DGKB: variants seen among roughly 807,000 people sequenced by gnomAD.
DGKB encodes diacylglycerol kinase beta.
A neutral mutation model predicts 114.3 loss-of-function variants in DGKB; 67 were observed. That is an observed-to-expected ratio of 0.59 (90% CI 0.48 to 0.72). The LOEUF is 0.72. Among genes scored for constraint, DGKB ranks in the 30% least tolerant of loss-of-function variants. The pLI is 0.00. For missense variants in DGKB, 907 were observed against 975.2 expected (o/e 0.93, Z 0.93); for synonymous variants, 398 against 323.1 (o/e 1.23, Z -2.49).
chr7:14,958,159 T>C (rs945023833), intron 1 of DGKB, among the ~76,000 whole-genome samples: 8 of 152,136 alleles, frequency 5.3e-5, no homozygotes, highest in African/African-American at 1.9e-4. Flanking sequence ...CAGTCAATCC[T>C]AGTGTCCATA....
At chr7:14,195,612 ATATAT>A (rs1315203654) in intron 23 of DGKB, among the ~76,000 whole-genome samples, 2 of 152,318 alleles carry the variant, frequency 1.3e-5, no homozygotes, top group Admixed American at 6.5e-5. Flanking sequence ...TTTTCTTGAG[ATATAT>A]TATAAACTAT....
intron 21 of DGKB, among the ~76,000 whole-genome samples, chr7:14,413,737 AGTCATT>A (rs1422347712): frequency 3.9e-5 from 6 of 152,164 alleles, no homozygotes; most frequent in Admixed American, 3.9e-4. Flanking sequence ...GAGAGATGGA[AGTCATT>A]GGCACCCAGG....
intron 20 of DGKB, among the ~76,000 whole-genome samples, chr7:14,500,675 A>G (rs1324114746): frequency 6.6e-6 from 1 of 151,814 alleles, no homozygotes; most frequent in Non-Finnish European, 1.5e-5. Context: ...TGGTGTTTTA[A>G]GCATGGTGCC....
chr7:14,499,242 G>C (rs1785757939), intron 20 of DGKB, among the ~76,000 whole-genome samples: 1 of 151,622 alleles, frequency 6.6e-6, no homozygotes, highest in South Asian at 2.1e-4. Context: ...TGCCCAGAAA[G>C]ATAACTAAGT....
chr7:14,715,053 T>C (rs1031912364), intron 6 of DGKB, among the ~76,000 whole-genome samples: 3 of 152,146 alleles, frequency 2.0e-5, no homozygotes, highest in Admixed American at 6.5e-5. Context: ...ATGATCTCAA[T>C]TTTACAGTTG....
chr7:14,768,646 G>C (rs1836824919), intron 2 of DGKB, among the ~76,000 whole-genome samples: 1 of 151,940 alleles, frequency 6.6e-6, no homozygotes, highest in Middle Eastern at 3.2e-3. Flanking sequence ...ATAATCATTT[G>C]ATCAAGCTCT....
intron 23 of DGKB, among the ~76,000 whole-genome samples, chr7:14,278,459 G>C (rs1338885969): frequency 1.3e-5 from 2 of 152,010 alleles, no homozygotes; most frequent in Non-Finnish European, 2.9e-5. Context: ...AATGAAACTT[G>C]ATCCCTATCT....
intron 14 of DGKB, among the ~76,000 whole-genome samples, chr7:14,626,387 T>C (rs1808593222): frequency 6.6e-6 from 1 of 152,246 alleles, no homozygotes; most frequent in Non-Finnish European, 1.5e-5. Flanking sequence ...TAGAACTTAC[T>C]TTCCCTGCTA....
chr7:14,666,891 A>G (rs1818125496), intron 13 of DGKB, among the ~76,000 whole-genome samples: 1 of 152,068 alleles, frequency 6.6e-6, no homozygotes, highest in Admixed American at 6.6e-5. Flanking sequence ...TTCAAAAGAT[A>G]CTGGATGCCA....
chr7:14,687,290 C>G (rs1275681500), intron 9 of DGKB, among the ~76,000 whole-genome samples: 1 of 152,094 alleles, frequency 6.6e-6, no homozygotes, highest in Non-Finnish European at 1.5e-5. Context: ...AAATTTTGGA[C>G]CCTTTACAAT....
At chr7:14,209,433 A>G (rs1280775508) in intron 23 of DGKB, 3 of 471,204 alleles carry the variant, frequency 6.4e-6, no homozygotes, top group African/African-American at 2.0e-5. Flanking sequence ...CCACTTCAGT[A>G]GGACAGCAAC....
rs1233885911 is a variant in DGKB, at chr7:14,233,825, C to A, written c.2123-55674G>T. 2.0e-5 allele frequency among the ~76,000 whole-genome samples: 3 copies of A among 151,986 alleles called. No homozygotes were observed. In the South Asian group the frequency reaches 6.2e-4, roughly 32 times the overall value. On this transcript the variant is annotated intron_variant, in intron 23 of 25. Coordinates refer to ENST00000402815, the MANE Select transcript of DGKB (RefSeq NM_001350709.2). Reference sequence around the variant, plus strand: ...AAGAGAAGAGCCACACACTTCTCAACCCCCCTCCCACTCCACACCTACTCC... The same window carrying A: ...AAGAGAAGAGCCACACACTTCTCAAACCCCCTCCCACTCCACACCTACTCC...
At chr7:14,273,998 T>G (rs1798634602) in intron 23 of DGKB, among the ~76,000 whole-genome samples, 1 of 152,224 alleles carries the variant, frequency 6.6e-6, no homozygotes, top group African/African-American at 2.4e-5. Flanking sequence ...TGTATTTCAT[T>G]GTTTTGTGGG....
chr7:14,301,314 T>C lies in DGKB; in HGVS notation c.2122+37201A>G, dbSNP rs529526001. Among the ~76,000 whole-genome samples the C allele has an allele frequency of 4.6e-5, 7 of 152,246 alleles. 1 individual carries two copies. In the South Asian group the frequency reaches 1.5e-3, roughly 32 times the overall value. On this transcript the variant is annotated intron_variant, in intron 23 of 25. Transcript: ENST00000402815. ...AATAGTTGATCCACAGTGCAACTTT[T>C]CTTGGGCATTGGTGTCTCTATCTTT... is the stretch of plus-strand genomic sequence containing the variant.
At chr7:14,672,647 A>T (rs1187066018) in intron 13 of DGKB, among the ~76,000 whole-genome samples, 1 of 152,084 alleles carries the variant, frequency 6.6e-6, no homozygotes, top group Non-Finnish European at 1.5e-5. Flanking sequence ...AAAATGTTGA[A>T]GTCTTCTGCC....
rs111352072 is a variant in DGKB, at chr7:14,880,287, G to C, written c.-188+22305C>G. ...AGCCTGGACAACATGGTGAAACCCT[G>C]TCTCTACTAAAAATACAAAAATTAG... is the stretch of plus-strand genomic sequence containing the variant. On this transcript the variant is annotated intron_variant, in intron 1 of 25. Transcript: ENST00000402815. Among the ~76,000 whole-genome samples, 459 of 152,194 alleles carry C rather than the reference G, an allele frequency of 3.0e-3. 4 individuals carry two copies. The highest frequency in any genetic ancestry group is 0.011 in the African/African-American group (446 of 41,552).
At chr7:14,343,907 G>T (rs1812036520) in intron 22 of DGKB, among the ~76,000 whole-genome samples, 2 of 146,754 alleles carry the variant, frequency 1.4e-5, no homozygotes, top group Non-Finnish European at 3.0e-5. Context: ...AACTATATAT[G>T]TAGTTATATA....
chr7:14,497,532 T>G (rs1431689099), intron 20 of DGKB, among the ~76,000 whole-genome samples: 2 of 151,766 alleles, frequency 1.3e-5, no homozygotes, highest in Non-Finnish European at 2.9e-5. Flanking sequence ...CCTAATGGTA[T>G]TAAACAATCA....
intron 20 of DGKB, among the ~76,000 whole-genome samples, chr7:14,551,507 C>T (rs991161540): frequency 6.6e-6 from 1 of 152,116 alleles, no homozygotes; most frequent in Non-Finnish European, 1.5e-5. Flanking sequence ...CAAATTGGAA[C>T]TTACTGGGAT....
Sources: gnomAD v4.1 joint callset for allele counts (sites outside exome capture counted in the v4.1 genomes callset) on GRCh38, gnomAD v4.1.1 for gene constraint, MANE v1.5 for transcripts, NCBI Gene and HGNC (gene_info 2026-07-23, HGNC 2026-07-21) for gene names.